UBAC2: variants seen among roughly 807,000 people sequenced by gnomAD.
UBAC2 encodes ubiquitin-associated domain-containing protein 2.
In UBAC2, 26 loss-of-function variants were observed where a neutral mutation model predicts 44.0. The observed-to-expected ratio is 0.59, with a 90% CI of 0.43 to 0.82. The LOEUF (loss-of-function observed/expected upper bound fraction) is 0.82, where lower values mean the gene tolerates loss of function less well. Among genes scored for constraint, UBAC2 ranks in the 40% least tolerant of loss-of-function variants. The probability of loss-of-function intolerance (pLI) is 0.00; values close to 1 mark genes in which losing one functional copy is unlikely to be tolerated. For missense variants in UBAC2, 329 were observed against 419.4 expected, an observed-to-expected ratio of 0.78 and a Z score of 1.88; for synonymous variants, 155 against 154.3, an observed-to-expected ratio of 1.00 and a Z score of -0.04.
chr13:99,318,241 C>T (rs1037471403), intron 6 of UBAC2, among the ~76,000 whole-genome samples, 172 bp downstream of exon 6: 7 of 152,038 alleles, frequency 4.6e-5, no homozygotes, highest in Non-Finnish European at 7.4e-5. Context: ...GATCTCAGCT[C>T]ACCACAACCT....
At chr13:99,370,561 C>T (rs2045391759) in intron 8 of UBAC2, among the ~76,000 whole-genome samples, 1 of 152,194 alleles carries the variant, frequency 6.6e-6, no homozygotes, top group Non-Finnish European at 1.5e-5. Context: ...CACGCCATCG[C>T]CTCCCCATTC....
chr13:99,340,682 A>T, intron 7 of UBAC2, 117 bp downstream of exon 7: 2 of 1,179,042 alleles, frequency 1.7e-6, no homozygotes, highest in Non-Finnish European at 2.4e-6. Context: ...TTGCAAGTGG[A>T]TTTTGACATT....
intron 6 of UBAC2, among the ~76,000 whole-genome samples, chr13:99,336,123 C>G (rs1469192142): frequency 6.6e-6 from 1 of 152,076 alleles, no homozygotes; most frequent in African/African-American, 2.4e-5. Flanking sequence ...AACATCTTTT[C>G]ATGAGTTTGT....
intron 4 of UBAC2, among the ~76,000 whole-genome samples, chr13:99,312,394 T>C (rs2044423769): frequency 6.6e-6 from 1 of 152,206 alleles, no homozygotes; most frequent in Admixed American, 6.5e-5. Flanking sequence ...AAGTGTTTAA[T>C]GGAAAACAGG....
rs150758541 is a variant in UBAC2, at chr13:99,213,411, A to C, written c.31+12472A>C. On this transcript the variant is annotated intron_variant, in intron 1 of 8. Transcript: ENST00000403766. ...GGTCTTGCTCTGTCGTCCAGCCTGG[A>C]GTGCAATGGTGTGATCTCGGCTTAC... Among the ~76,000 whole-genome samples, 1,121 of 151,844 alleles carry C rather than the reference A, an allele frequency of 7.4e-3. 10 individuals are homozygous for C. Among genetic ancestry groups the C allele is most frequent in the South Asian group, 0.055 (265 of 4,798 alleles).
chr13:99,231,847 A>G (rs1391972026), intron 1 of UBAC2, among the ~76,000 whole-genome samples: 1 of 152,228 alleles, frequency 6.6e-6, no homozygotes, highest in Admixed American at 6.5e-5. Context: ...TGAATGGAAT[A>G]ACAGCTGCCC....
At chr13:99,274,342 T>C (rs1335202669) in intron 4 of UBAC2, among the ~76,000 whole-genome samples, 2 of 152,184 alleles carry the variant, frequency 1.3e-5, no homozygotes, top group African/African-American at 4.8e-5. Context: ...ACTGCTTTTT[T>C]TTTTCTTGAG....
intron 4 of UBAC2, among the ~76,000 whole-genome samples, chr13:99,280,830 CCT>C (rs36041704): frequency 0.41 from 44,269 of 108,364 alleles, 6,618 homozygotes; most frequent in Middle Eastern, 0.53. Flanking sequence ...TTCTTCTTTC[CCT>C]CTCTCTCTCT....
chr13:99,281,094 G>A (rs2043948096), intron 4 of UBAC2, among the ~76,000 whole-genome samples: 1 of 152,022 alleles, frequency 6.6e-6, no homozygotes, highest in Non-Finnish European at 1.5e-5. Context: ...GCTGAGGCAG[G>A]AGAATAGCTT....
chr13:99,330,628 T>G (rs934282242), intron 6 of UBAC2, among the ~76,000 whole-genome samples: 4 of 152,076 alleles, frequency 2.6e-5, no homozygotes, highest in South Asian at 2.1e-4. Flanking sequence ...TTTATATGCT[T>G]CTTCTTTCCC....
intron 1 of UBAC2, chr13:99,201,621 G>C: frequency 1.3e-6 from 2 of 1,599,454 alleles, no homozygotes; most frequent in Non-Finnish European, 1.7e-6. Flanking sequence ...CACTGAGTGT[G>C]TGGAATTGAC....
intron 1 of UBAC2, among the ~76,000 whole-genome samples, chr13:99,215,208 C>G (rs183439061): frequency 3.2e-4 from 48 of 152,290 alleles, no homozygotes; most frequent in Admixed American, 1.4e-3. Context: ...GACTCAAATG[C>G]AGAAATTTGG....
At chr13:99,365,970 C>CT (rs2045325251) in intron 7 of UBAC2, among the ~76,000 whole-genome samples, 1 of 152,104 alleles carries the variant, frequency 6.6e-6, no homozygotes, top group South Asian at 2.1e-4. Context: ...CTAATACTGC[C>CT]TTTTTTTGCC....
At chr13:99,313,805 T>C (rs904278268) in intron 4 of UBAC2, among the ~76,000 whole-genome samples, 1 of 152,184 alleles carries the variant, frequency 6.6e-6, no homozygotes, top group Non-Finnish European at 1.5e-5. Context: ...ATTTTAGTAA[T>C]ACCTGGGAAG....
At chr13:99,255,732 G>A (rs1431175942) in intron 4 of UBAC2, 1 of 1,613,862 alleles carries the variant, frequency 6.2e-7, no homozygotes, top group Non-Finnish European at 8.5e-7. Flanking sequence ...TGGTACAACT[G>A]AAAACCCATA....
At chr13:99,246,430 C>T (rs2043384129) in intron 4 of UBAC2, among the ~76,000 whole-genome samples, 1 of 152,206 alleles carries the variant, frequency 6.6e-6, no homozygotes, top group Admixed American at 6.5e-5. Flanking sequence ...ATTGCCAAAT[C>T]ATCAGTTTTC....
At chr13:99,383,507 A>G (rs995631437) in intron 8 of UBAC2, among the ~76,000 whole-genome samples, 8 of 152,220 alleles carry the variant, frequency 5.3e-5, no homozygotes, top group African/African-American at 1.9e-4. Flanking sequence ...CTGAGCATGA[A>G]TCACCTGAGG....
chr13:99,335,228 AT>A (rs2138817181), intron 6 of UBAC2, among the ~76,000 whole-genome samples: 1 of 152,344 alleles, frequency 6.6e-6, no homozygotes, highest in South Asian at 2.1e-4. Context: ...CACAGCTCTA[AT>A]TTGTACTACA....
chr13:99,221,945 T>C (rs73565915), intron 1 of UBAC2, among the ~76,000 whole-genome samples: 308 of 152,324 alleles, frequency 2.0e-3, no homozygotes, highest in African/African-American at 7.2e-3. Flanking sequence ...TTTCTAGTCA[T>C]GGATAGGTAA....
Sources: allele counts gnomAD v4.1 joint callset (sites outside exome capture counted in the v4.1 genomes callset), GRCh38; gene constraint gnomAD v4.1.1; transcripts MANE v1.5; gene names NCBI Gene and HGNC (gene_info 2026-07-23, HGNC 2026-07-21).